GATAD2B: variants seen among roughly 807,000 people sequenced by gnomAD.
The protein encoded by GATAD2B is transcriptional repressor p66-beta.
GATAD2B carries 8 observed loss-of-function variants against 64.3 expected under a neutral mutation model. The observed-to-expected ratio is 0.12, with a 90% confidence interval of 0.07 to 0.22. The LOEUF (loss-of-function observed/expected upper bound fraction) is 0.22. GATAD2B is among the 10% of genes least tolerant of loss of function. The pLI is 1.00. For missense variants in GATAD2B, 453 were observed against 752.0 expected (o/e 0.60, Z 4.65); for synonymous variants, 281 against 271.3 (o/e 1.04, Z -0.35).
At chr1:153,827,277 A>C (rs1264944390) in intron 2 of GATAD2B, among the ~76,000 whole-genome samples, 1 of 150,338 alleles carries the variant, frequency 6.7e-6, no homozygotes, top group Non-Finnish European at 1.5e-5. Context: ...AAAAAAACTC[A>C]TAAAAAACAA....
chr1:153,861,795 A>AAAAT (rs371843941), intron 1 of GATAD2B, among the ~76,000 whole-genome samples: 23 of 98,538 alleles, frequency 2.3e-4, no homozygotes, highest in East Asian at 6.0e-4. Context: ...AAAAAAAAAA[A>AAAAT]ATATATATAT....
chr1:153,855,680 T>C (rs1323488811), intron 1 of GATAD2B, among the ~76,000 whole-genome samples: 1 of 152,038 alleles, frequency 6.6e-6, no homozygotes, highest in African/African-American at 2.4e-5. Flanking sequence ...ACTTATTTTA[T>C]ATATTTTTTT....
intron 1 of GATAD2B, among the ~76,000 whole-genome samples, chr1:153,893,017 G>A (rs546663127): frequency 1.3e-5 from 2 of 152,084 alleles, no homozygotes; most frequent in African/African-American, 4.8e-5. Context: ...ATTGAAATGA[G>A]GGAAGAAAAT....
At chr1:153,819,522 C>A in intron 3 of GATAD2B, 84 bp downstream of exon 3, 1 of 1,034,036 alleles carries the variant, frequency 9.7e-7, no homozygotes, top group Non-Finnish European at 1.4e-6. Context: ...AGTAAATAGT[C>A]AAAAAACAGA....
chr1:153,867,083 A>G (rs1397509458), intron 1 of GATAD2B, among the ~76,000 whole-genome samples: 1 of 152,042 alleles, frequency 6.6e-6, no homozygotes, highest in East Asian at 1.9e-4. Context: ...CTGGCCTCCA[A>G]TATACCATTT....
intron 10 of GATAD2B, 67 bp from the exon 11 acceptor site, chr1:153,810,377 C>CTG: frequency 6.6e-7 from 1 of 1,525,308 alleles, no homozygotes; most frequent in Non-Finnish European, 9.0e-7. Context: ...TTCCACTCTA[C>CTG]CCTCGGGCTG....
chr1:153,922,241 G>T (rs1001485974), intron 1 of GATAD2B, among the ~76,000 whole-genome samples: 1 of 151,514 alleles, frequency 6.6e-6, no homozygotes, highest in African/African-American at 2.4e-5. Flanking sequence ...AGACTGAGCA[G>T]GGAGCGGCCC....
chr1:153,829,152 C>A (rs748467723), intron 1 of GATAD2B, among the ~76,000 whole-genome samples: 1 of 152,074 alleles, frequency 6.6e-6, no homozygotes, highest in African/African-American at 2.4e-5. Flanking sequence ...CTGCACTGAG[C>A]CTGATCGTAC....
At position 153,821,079 on chromosome 1, in the gene GATAD2B, C is replaced by T. The variant is rs896935471; in HGVS notation, c.336-1344G>A. On this transcript the variant is annotated intron_variant, in intron 2 of 10. Transcript: ENST00000368655. ...TGCTACATTCTCAAACTCCTGGCCC[C>T]AAGAGATTCCCCCCGCCTCAGCCTC... Among the ~76,000 whole-genome samples, 27 of 139,896 alleles carry T rather than the reference C, an allele frequency of 1.9e-4. No individual in the cohort carries two copies. In the East Asian group the frequency reaches 6.3e-3, roughly 33 times the overall value. 91.8% of individuals were successfully genotyped at this position (139,896 alleles called of 152,430 possible).
chr1:153,905,020 C>A (rs937579482), intron 1 of GATAD2B, among the ~76,000 whole-genome samples: 2 of 150,948 alleles, frequency 1.3e-5, no homozygotes, highest in Non-Finnish European at 3.0e-5. Context: ...TTTTTGTCTT[C>A]TTTAGTAGAG....
At chr1:153,825,448 G>A in intron 2 of GATAD2B, among the ~76,000 whole-genome samples, 1 of 152,046 alleles carries the variant, frequency 6.6e-6, no homozygotes, top group African/African-American at 2.4e-5. Context: ...ATGGAGACAA[G>A]AGTCTCACTC....
At position 153,922,930 on chromosome 1, in the gene GATAD2B, GC is replaced by G. The variant is rs1220065306; in HGVS notation, c.-200del. On this transcript the variant is annotated 5_prime_UTR_variant, in exon 1 of 11. Coordinates refer to ENST00000368655, the MANE Select transcript of GATAD2B (RefSeq NM_020699.4). ...GGTACAGACGGGGGCAGCGGCGGCG[GC>G]GACGGCTGCACCGGCGGCGGCGGCA... 6.4e-6 allele frequency: 1 copy of G among 156,272 alleles called. No individual in the cohort carries two copies. Among genetic ancestry groups the G allele is most frequent in the Non-Finnish European group, 1.4e-5 (1 of 70,660 alleles). 9.7% of individuals were successfully genotyped at this position (156,272 alleles called of 1,614,324 possible). A position where few individuals can be genotyped will look rare whatever the true frequency, so the allele number is the denominator to read the frequency against.
At chr1:153,825,103 G>A (rs1309557203) in intron 2 of GATAD2B, among the ~76,000 whole-genome samples, 1 of 151,982 alleles carries the variant, frequency 6.6e-6, no homozygotes, top group Non-Finnish European at 1.5e-5. Flanking sequence ...GGAAAGAGAA[G>A]GAAAGGAAAG....
intron 1 of GATAD2B, among the ~76,000 whole-genome samples, chr1:153,907,637 ATTTTT>A (rs531249482): frequency 2.1e-5 from 3 of 141,772 alleles, no homozygotes; most frequent in Non-Finnish European, 4.6e-5. Flanking sequence ...AAAAGGGTAA[ATTTTT>A]TTTTTTTTTT....
chr1:153,826,660 C>G (rs1427281917), intron 2 of GATAD2B, among the ~76,000 whole-genome samples: 1 of 151,750 alleles, frequency 6.6e-6, no homozygotes, highest in Non-Finnish European at 1.5e-5. Context: ...GGGTTATAAG[C>G]TGGGTGTGGT....
At chr1:153,838,519 C>A (rs1675355172) in intron 1 of GATAD2B, among the ~76,000 whole-genome samples, 1 of 151,728 alleles carries the variant, frequency 6.6e-6, no homozygotes, top group Non-Finnish European at 1.5e-5. Context: ...TTTTTTCCCC[C>A]TTTTTTGAGT....
Position 153,839,095 on chromosome 1 carries a change from C to G in GATAD2B, c.-1-10747G>C, listed in dbSNP as rs535664917. 2.1e-4 allele frequency among the ~76,000 whole-genome samples: 20 copies of G among 96,352 alleles called. 1 individual carries two copies. The highest frequency in any genetic ancestry group is 1.7e-3 in the Admixed American group (11 of 6,448). 63.2% of individuals were successfully genotyped at this position (96,352 alleles called of 152,430 possible). On this transcript the variant is annotated intron_variant, in intron 1 of 10. Coordinates refer to ENST00000368655, the MANE Select transcript of GATAD2B (RefSeq NM_020699.4). ...CTTCACTCCAGCCTGGGTGACAGAA[C>G]GAGACCCTGTCTCAAAAAAAAAAAA...
In GATAD2B at chr1:153,822,604, G is replaced by C. The variant is rs574540882; in HGVS notation, c.336-2869C>G. Among the ~76,000 whole-genome samples the C allele has an allele frequency of 2.0e-4, 31 of 152,190 alleles. 1 individual carries two copies. The highest frequency in any genetic ancestry group is 7.0e-4 in the African/African-American group (29 of 41,524). ...CTCGGCGCACTGCAACCTCCTCTCA[G>C]GTTTAAGTGATTCTCCTGCCTCCTG... is the stretch of plus-strand genomic sequence containing the variant. On this transcript the variant is annotated intron_variant, in intron 2 of 10. Transcript: ENST00000368655.
intron 7 of GATAD2B, among the ~76,000 whole-genome samples, chr1:153,815,850 C>T (rs964272886): frequency 5.3e-5 from 8 of 152,024 alleles, no homozygotes; most frequent in African/African-American, 1.2e-4. Flanking sequence ...GTCAGGAGTT[C>T]GAGACCAGCC....
Sources: allele counts gnomAD v4.1 joint callset (sites outside exome capture counted in the v4.1 genomes callset), GRCh38; gene constraint gnomAD v4.1.1; transcripts MANE v1.5; gene names NCBI Gene and HGNC (gene_info 2026-07-23, HGNC 2026-07-21).